Variants in ADGRE3 observed in about 807,000 individuals in gnomAD.
ADGRE3 encodes the protein adhesion G protein-coupled receptor E3, also known as EGF-like module receptor 3.
A neutral mutation model predicts 80.1 loss-of-function variants in ADGRE3; 88 were observed. That is an observed-to-expected ratio of 1.10 (90% confidence interval 0.93 to 1.31). ADGRE3 has a LOEUF of 1.31. ADGRE3 is among the 40% of genes most tolerant of loss of function. The pLI is 0.00. For synonymous variants in ADGRE3, 281 were observed against 294.8 expected (o/e 0.95, Z 0.48); for missense variants, 715 against 776.5 (o/e 0.92, Z 0.94).
At chr19:14,623,840 T>C (rs549938771) in intron 15 of ADGRE3, among the ~76,000 whole-genome samples, 4 of 152,282 alleles carry the variant, frequency 2.6e-5, no homozygotes, top group Non-Finnish European at 5.9e-5. Context: ...AGAATACATA[T>C]GAAAACCAGC....
intron 9 of ADGRE3, among the ~76,000 whole-genome samples, chr19:14,643,144 G>GTTTT (rs373306807): frequency 4.0e-5 from 5 of 124,076 alleles, no homozygotes; most frequent in African/African-American, 1.2e-4. Flanking sequence ...AGTAATCATG[G>GTTTT]TTTTTTTTTT....
At chr19:14,649,128 G>A (rs142534773) in intron 7 of ADGRE3, among the ~76,000 whole-genome samples, 190 of 87,392 alleles carry the variant, frequency 2.2e-3, no homozygotes, top group African/African-American at 7.9e-3. Flanking sequence ...CTCGAATTCC[G>A]TCTCTCTCTC....
At chr19:14,628,088 A>G (rs1321461130) in intron 14 of ADGRE3, among the ~76,000 whole-genome samples, 1 of 152,054 alleles carries the variant, frequency 6.6e-6, no homozygotes, top group African/African-American at 2.4e-5. Context: ...AGGTCGTGCC[A>G]TTGCACTCCA....
chr19:14,651,140 G>T lies in ADGRE3; in HGVS notation c.642C>A (p.Val214=). ...AACGGATGTCCATTGAGTTCATTTG[G>T]ACGTTCAAGTTGAATGTCTTTCTTT... The part of the protein sequence containing the change: ...SEERKTFNLN[V]QMNSMDIRCS... Residue 214 remains valine, a synonymous_variant, in exon 7 of 16, where the codon GTC becomes GTA. Transcript: ENST00000253673. 6.2e-7 allele frequency: 1 copy of T among 1,614,064 alleles called. No individual in the cohort carries two copies. The highest frequency in any genetic ancestry group is 8.5e-7 in the Non-Finnish European group (1 of 1,179,956).
At chr19:14,607,611 T>C in the ADGRE3 span, among the ~76,000 whole-genome samples, 1 of 151,986 alleles carries the variant, frequency 6.6e-6, no homozygotes, top group Non-Finnish European at 1.5e-5. Context: ...GGAGTCTCGC[T>C]GTCGCTCAGG....
At chr19:14,657,746 T>TATA (rs57153320) in intron 5 of ADGRE3, among the ~76,000 whole-genome samples, 44,164 of 107,856 alleles carry the variant, frequency 0.41, 7,197 homozygotes, top group East Asian at 0.63. Flanking sequence ...TATATATATA[T>TATA]TTTTTTGTTT....
intron 7 of ADGRE3, among the ~76,000 whole-genome samples, chr19:14,649,608 G>C (rs1195927382): frequency 3.1e-4 from 21 of 67,884 alleles, no homozygotes; most frequent in Non-Finnish European, 3.5e-4. Context: ...TTCGATCTCT[G>C]TCTTTCCATC....
At chr19:14,661,846 C>A in intron 4 of ADGRE3, 117 bp downstream of exon 4, 1 of 1,113,786 alleles carries the variant, frequency 9.0e-7, no homozygotes, top group Non-Finnish European at 1.3e-6. Context: ...GTTTCAGCCA[C>A]TGCACTCCAG....
At chr19:14,627,400 C>T (rs979417042) in intron 14 of ADGRE3, among the ~76,000 whole-genome samples, 6 of 151,778 alleles carry the variant, frequency 4.0e-5, no homozygotes, top group Non-Finnish European at 7.4e-5. Context: ...TTTTTTGAGA[C>T]GGAGTCTCGC....
chr19:14,632,855 G>T, intron 13 of ADGRE3, 66 bp downstream of exon 13: 1 of 1,038,048 alleles, frequency 9.6e-7, no homozygotes, highest in Non-Finnish European at 1.5e-6. Flanking sequence ...ATGTACGTGT[G>T]TATGGATATG....
At chr19:14,608,064 G>A in the ADGRE3 span, among the ~76,000 whole-genome samples, 21 of 152,046 alleles carry the variant, frequency 1.4e-4, no homozygotes, top group African/African-American at 5.1e-4. Flanking sequence ...TAGAGATGGG[G>A]TTTTAGTGTG....
At chr19:14,609,360 A>T in the ADGRE3 span, among the ~76,000 whole-genome samples, 7 of 151,968 alleles carry the variant, frequency 4.6e-5, no homozygotes, top group Non-Finnish European at 1.0e-4. Context: ...CCCCTTCTCC[A>T]TCTAGCTTCC....
chr19:14,607,083 G>A, the ADGRE3 span: 1 of 1,318,598 alleles, frequency 7.6e-7, no homozygotes, highest in Non-Finnish European at 9.7e-7. Context: ...GTGGCTGGAT[G>A]GGTCTCCTGT....
intron 14 of ADGRE3, among the ~76,000 whole-genome samples, chr19:14,626,373 G>A (rs898560105): frequency 6.6e-6 from 1 of 152,084 alleles, no homozygotes; most frequent in Non-Finnish European, 1.5e-5. Context: ...GGAGGCAGAG[G>A]TTGCAGTGAG....
intron 11 of ADGRE3, among the ~76,000 whole-genome samples, chr19:14,637,898 T>C (rs1008599745): frequency 2.0e-5 from 3 of 149,374 alleles, no homozygotes; most frequent in Admixed American, 6.6e-5. Flanking sequence ...GCAGTGGGCA[T>C]ATGAACCTGT....
rs373437727 is a variant in ADGRE3 at position 14,630,166 on chromosome 19, C to T, written c.1685G>A (p.Gly562Asp). 1.3e-5 allele frequency: 21 copies of T among 1,612,106 alleles called. No individual in the cohort carries two copies. The highest frequency in any genetic ancestry group is 1.6e-4 in the Middle Eastern group (1 of 6,076). The stretch of plus-strand genomic sequence containing the variant: ...TAGCAAGCCCAGACACCATGTGCAG[C>T]CCAGGATGAAGAGCTGAGCTGTTGC... ...FKATAQLFIL[G>D]CTWCLGLLQV... is the part of the protein sequence containing the mutation. The change falls in exon 14 of 16, where the codon GGC becomes GAC. Residue 562 changes from glycine to aspartate, a missense_variant. Physicochemically the swap from Gly to Asp is moderately conservative, Grantham distance 94. Coordinates refer to ENST00000253673, the MANE Select transcript of ADGRE3 (RefSeq NM_032571.5).
chr19:14,609,019 C>T, the ADGRE3 span, among the ~76,000 whole-genome samples: 115 of 152,072 alleles, frequency 7.6e-4, 2 homozygotes, highest in African/African-American at 2.4e-3. Context: ...AGGCTGGTCT[C>T]GAAATCCTGA....
intron 11 of ADGRE3, among the ~76,000 whole-genome samples, chr19:14,636,515 CTTCT>C (rs1971095892): frequency 6.6e-6 from 1 of 151,884 alleles, no homozygotes; most frequent in African/African-American, 2.4e-5. Flanking sequence ...CCTTAAAGCT[CTTCT>C]TTCTATTATT....
rs1242918901 is a variant in ADGRE3 at position 14,647,290 on chromosome 19, T to C, written c.773A>G (p.Asp258Gly). 2 of 1,613,258 alleles carry C rather than the reference T, an allele frequency of 1.2e-6. No individual in the cohort carries two copies. The highest frequency in any genetic ancestry group is 1.1e-5 in the South Asian group (1 of 91,068). ...GTTCAGATACACTTGATCTTTCTTA[T>C]CCATCTCTTCAAAAAAAGTTGCATT... Reference protein sequence around the residue: ...IINATFFEEMDKKDQVYLNSQ... With the variant: ...IINATFFEEMGKKDQVYLNSQ... The change falls in exon 8 of 16, where the codon GAT (aspartate) becomes GGT (glycine). Residue 258 changes from aspartate (D) to glycine (G), a missense_variant. Asp to Gly is a moderately conservative substitution (Grantham distance 94). Transcript: ENST00000253673.
Sources: allele counts gnomAD v4.1 joint callset (sites outside exome capture counted in the v4.1 genomes callset), GRCh38; gene constraint gnomAD v4.1.1; transcripts MANE v1.5; gene names NCBI Gene and HGNC (gene_info 2026-07-23, HGNC 2026-07-21).